The following TAFA4 variants were observed in gnomAD, a reference collection of about 807,000 sequenced individuals.
TAFA4 encodes TAFA chemokine like family member 4, also known as chemokine-like protein TAFA-4.
In TAFA4, 20 loss-of-function variants were observed where a neutral mutation model predicts 21.1. That is an observed-to-expected ratio of 0.95 (90% CI 0.67 to 1.38). The LOEUF is 1.38. Among genes scored for constraint, TAFA4 ranks in the 40% most tolerant of loss-of-function variants. The pLI is 0.00. For missense variants in TAFA4, 211 were observed against 180.9 expected, an observed-to-expected ratio of 1.17 and a Z score of -0.95; for synonymous variants, 71 against 67.4, an observed-to-expected ratio of 1.05 and a Z score of -0.26.
intron 3 of TAFA4, among the ~76,000 whole-genome samples, chr3:68,845,939 C>T (rs1438019336): frequency 2.0e-5 from 3 of 152,242 alleles, no homozygotes; most frequent in South Asian, 2.1e-4. Flanking sequence ...TCTCTGGATG[C>T]TCTTAACATT....
chr3:68,895,020 ATT>A (rs1028149287), intron 1 of TAFA4, among the ~76,000 whole-genome samples: 1 of 148,684 alleles, frequency 6.7e-6, no homozygotes, highest in Admixed American at 6.7e-5. Context: ...TGCTGGGCTA[ATT>A]TTTTTTTTTC....
intron 3 of TAFA4, among the ~76,000 whole-genome samples, chr3:68,780,868 T>C (rs1423552885): frequency 6.6e-6 from 1 of 150,538 alleles, no homozygotes; most frequent in Non-Finnish European, 1.5e-5. Flanking sequence ...CAATATGGAA[T>C]ATTCATCAAG....
At chr3:68,851,791 A>G (rs896361852) in intron 3 of TAFA4, among the ~76,000 whole-genome samples, 7 of 152,224 alleles carry the variant, frequency 4.6e-5, no homozygotes, top group African/African-American at 1.7e-4. Flanking sequence ...AGAGGAGGAA[A>G]CAAAATGGGA....
chr3:68,775,933 A>G (rs1025452241), intron 3 of TAFA4, among the ~76,000 whole-genome samples: 3 of 152,208 alleles, frequency 2.0e-5, no homozygotes, highest in African/African-American at 4.8e-5. Flanking sequence ...GCAAGAAAAA[A>G]TGACCCAGAA....
At chr3:68,786,576 ATAAG>A (rs1406332461) in intron 3 of TAFA4, among the ~76,000 whole-genome samples, 1 of 152,216 alleles carries the variant, frequency 6.6e-6, no homozygotes, top group Non-Finnish European at 1.5e-5. Context: ...CTTACCACAT[ATAAG>A]TATTAGCTTT....
intron 3 of TAFA4, among the ~76,000 whole-genome samples, chr3:68,778,777 A>G (rs1356257355): frequency 6.6e-6 from 1 of 152,224 alleles, no homozygotes; most frequent in Non-Finnish European, 1.5e-5. Flanking sequence ...TAAATTGCCC[A>G]GTCTCAGGTA....
At chr3:68,914,383 GT>G (rs2089985522) in intron 1 of TAFA4, among the ~76,000 whole-genome samples, 1 of 152,214 alleles carries the variant, frequency 6.6e-6, no homozygotes. Flanking sequence ...TGCTATGTGA[GT>G]TGTGGTTTCA....
At chr3:68,885,394 T>C in intron 1 of TAFA4, 84 bp from the exon 2 acceptor site, 1 of 568,516 alleles carries the variant, frequency 1.8e-6, no homozygotes, top group Admixed American at 3.4e-5. Flanking sequence ...AGCAAAATAA[T>C]GGTTTTTAAC....
Position 68,739,156 on chromosome 3 carries a change from A to G in TAFA4, c.330T>C (p.Cys110=). Residue 110 remains cysteine, a synonymous_variant, in exon 5 of 6, where the codon TGT becomes TGC. Coordinates refer to ENST00000295569, the MANE Select transcript of TAFA4 (RefSeq NM_182522.5). ...IQKWWCHMNP[C]LEGEDCKVLP... ...GCACTTTACAATCCTCTCCTTCCAA[A>G]CACGGATTCATGTGACACCACCATT... is the stretch of plus-strand genomic sequence containing the variant. The G allele has an allele frequency of 5.6e-6, 9 of 1,614,010 alleles. No homozygotes were observed. Among genetic ancestry groups the G allele is most frequent in the Non-Finnish European group, 7.6e-6 (9 of 1,179,900 alleles).
At chr3:68,813,254 A>G (rs566363172) in intron 3 of TAFA4, among the ~76,000 whole-genome samples, 2 of 152,318 alleles carry the variant, frequency 1.3e-5, no homozygotes, top group Admixed American at 1.3e-4. Flanking sequence ...CTAACATCAC[A>G]ATTAAAAGAA....
chr3:68,853,479 A>G (rs1704996872), intron 3 of TAFA4, among the ~76,000 whole-genome samples: 1 of 152,094 alleles, frequency 6.6e-6, no homozygotes, highest in East Asian at 1.9e-4. Flanking sequence ...AAACCCAGGC[A>G]AGTCCCATGT....
At chr3:68,927,062 T>C (rs1429192758) in intron 1 of TAFA4, among the ~76,000 whole-genome samples, 1 of 152,172 alleles carries the variant, frequency 6.6e-6, no homozygotes, top group East Asian at 1.9e-4. Flanking sequence ...ATCAAAAAAA[T>C]GTCTCCAGAC....
intron 1 of TAFA4, among the ~76,000 whole-genome samples, chr3:68,927,131 C>A (rs2090115454): frequency 6.6e-6 from 1 of 152,124 alleles, no homozygotes; most frequent in Non-Finnish European, 1.5e-5. Context: ...TTTAAGTTTC[C>A]CCTCCACTTC....
chr3:68,767,597 A>C (rs1702879734), intron 3 of TAFA4, among the ~76,000 whole-genome samples: 1 of 152,088 alleles, frequency 6.6e-6, no homozygotes, highest in Non-Finnish European at 1.5e-5. Context: ...ATATATAAAA[A>C]GAGAGCAGTA....
intron 3 of TAFA4, among the ~76,000 whole-genome samples, chr3:68,813,830 T>A (rs1703899306): frequency 6.6e-6 from 1 of 152,192 alleles, no homozygotes; most frequent in Non-Finnish European, 1.5e-5. Context: ...GACAGCATCA[T>A]CCTGATACCA....
intron 3 of TAFA4, among the ~76,000 whole-genome samples, chr3:68,859,651 C>A (rs1357902072): frequency 6.6e-6 from 1 of 152,114 alleles, no homozygotes; most frequent in East Asian, 1.9e-4. Context: ...ATAATTTAGG[C>A]TGAGAACTTC....
intron 3 of TAFA4, among the ~76,000 whole-genome samples, chr3:68,828,623 T>C (rs573547315): frequency 5.3e-5 from 8 of 152,292 alleles, no homozygotes; most frequent in Non-Finnish European, 8.8e-5. Flanking sequence ...CTAGGTATTT[T>C]ATTCTCTTTG....
intron 3 of TAFA4, among the ~76,000 whole-genome samples, chr3:68,861,676 C>A (rs1317588061): frequency 6.6e-6 from 1 of 152,022 alleles, no homozygotes; most frequent in Admixed American, 6.6e-5. Context: ...CCAACCCCCC[C>A]AGCCCAGCTC....
intron 4 of TAFA4, among the ~76,000 whole-genome samples, chr3:68,739,849 A>G (rs1004408865): frequency 6.6e-6 from 1 of 152,226 alleles, no homozygotes; most frequent in African/African-American, 2.4e-5. Context: ...AGAGTCATGG[A>G]ACAACAGAAA....
Sources: gnomAD v4.1 joint callset for allele counts (sites outside exome capture counted in the v4.1 genomes callset) on GRCh38, gnomAD v4.1.1 for gene constraint, MANE v1.5 for transcripts, NCBI Gene and HGNC (gene_info 2026-07-23, HGNC 2026-07-21) for gene names.